MIGA1: variants seen among roughly 807,000 people sequenced by gnomAD.
The protein encoded by MIGA1 is family with sequence similarity 73, member A.
A neutral mutation model predicts 82.0 loss-of-function variants in MIGA1; 58 were observed. That is an observed-to-expected ratio of 0.71 (90% CI 0.57 to 0.88). The LOEUF is 0.88. Among genes scored for constraint, MIGA1 ranks in the 40% least tolerant of loss-of-function variants. The pLI is 0.00. For missense variants in MIGA1, 751 were observed against 749.1 expected (o/e 1.00, Z -0.03); for synonymous variants, 249 against 253.6 (o/e 0.98, Z 0.17).
At chr1:77,852,455 A>T (rs1570997871) in intron 8 of MIGA1, among the ~76,000 whole-genome samples, 2 of 152,092 alleles carry the variant, frequency 1.3e-5, no homozygotes, top group African/African-American at 4.8e-5. Context: ...TCATCTCTTC[A>T]TACCTTTTTT....
At position 77,835,783 on chromosome 1, in the gene MIGA1, A is replaced by G. The variant is rs1381691974; in HGVS notation, c.896-7524A>G. Among the ~76,000 whole-genome samples the G allele has an allele frequency of 3.3e-5, 5 of 152,152 alleles. No individual in the cohort carries two copies. The South Asian group carries it at 1.0e-3, about 32-fold the overall frequency. ...GTCAACATGGTGAAACCCCATCTCT[A>G]CTGAAAATACAGAAATTAGCCAGGC... On this transcript the variant is annotated intron_variant, in intron 7 of 15. Transcript: ENST00000370791.
chr1:77,855,949 G>A (rs1286942203), intron 8 of MIGA1, among the ~76,000 whole-genome samples: 1 of 152,092 alleles, frequency 6.6e-6, no homozygotes, highest in Non-Finnish European at 1.5e-5. Flanking sequence ...AGTGGTGAGA[G>A]TGGGCATCCT....
intron 15 of MIGA1, among the ~76,000 whole-genome samples, chr1:77,873,411 G>C (rs1646866193): frequency 1.3e-5 from 2 of 152,174 alleles, no homozygotes; most frequent in Admixed American, 1.3e-4. Context: ...ACATGGTCTT[G>C]CATGGTGTTG....
rs539633229 is a variant in MIGA1, at chr1:77,825,152, G to A, written c.895+9921G>A. Among the ~76,000 whole-genome samples, 6 of 151,842 alleles carry A rather than the reference G, an allele frequency of 4.0e-5. No homozygotes were observed. The South Asian group carries it at 6.2e-4, about 16-fold the overall frequency. On this transcript the variant is annotated intron_variant, in intron 7 of 15. Coordinates refer to ENST00000370791, the MANE Select transcript of MIGA1 (RefSeq NM_198549.4). ...TGCAGGTGCGCTGGGGACTACAGTCGTGCCCCACCACACCTGGCTAATTTC... is the reference window on the plus strand; with the variant it reads ...TGCAGGTGCGCTGGGGACTACAGTCATGCCCCACCACACCTGGCTAATTTC...
intron 4 of MIGA1, among the ~76,000 whole-genome samples, chr1:77,805,461 CTTTTTTT>C (rs11408292): frequency 2.7e-5 from 3 of 110,370 alleles, no homozygotes; most frequent in South Asian, 3.1e-4. Flanking sequence ...TATGCCTATT[CTTTTTTT>C]TTTTTTTTTT....
chr1:77,800,407 G>A (rs1168098510), intron 2 of MIGA1, among the ~76,000 whole-genome samples: 3 of 152,128 alleles, frequency 2.0e-5, no homozygotes, highest in East Asian at 3.8e-4. Flanking sequence ...TGCCTGTCTC[G>A]TTAGTTTAGG....
At chr1:77,854,354 A>G (rs1481384869) in intron 8 of MIGA1, among the ~76,000 whole-genome samples, 1 of 152,230 alleles carries the variant, frequency 6.6e-6, no homozygotes, top group African/African-American at 2.4e-5. Context: ...CTGTGTTGCT[A>G]TAAACATGCA....
chr1:77,801,874 A>G (rs1172753754), intron 3 of MIGA1, among the ~76,000 whole-genome samples: 1 of 152,176 alleles, frequency 6.6e-6, no homozygotes, highest in African/African-American at 2.4e-5. Context: ...ACAGTGTGGA[A>G]GAATGTCTTT....
chr1:77,815,330 T>G, intron 7 of MIGA1, 99 bp downstream of exon 7: 2 of 962,424 alleles, frequency 2.1e-6, no homozygotes, highest in Non-Finnish European at 2.8e-6. Context: ...AATAATAGGT[T>G]ACTTAAAAAA....
chr1:77,865,823 A>G (rs1274650679), intron 13 of MIGA1, among the ~76,000 whole-genome samples: 4 of 151,574 alleles, frequency 2.6e-5, no homozygotes, highest in African/African-American at 2.4e-5. Context: ...GCAACATACA[A>G]CTTTGCTCAT....
chr1:77,837,847 T>G (rs1024760053), intron 7 of MIGA1, among the ~76,000 whole-genome samples: 2 of 152,214 alleles, frequency 1.3e-5, no homozygotes, highest in African/African-American at 4.8e-5. Flanking sequence ...CTACTATTGT[T>G]GGTATTCACT....
chr1:77,788,017 C>T (rs992897270), intron 2 of MIGA1, among the ~76,000 whole-genome samples: 4 of 151,106 alleles, frequency 2.6e-5, no homozygotes, highest in East Asian at 1.9e-4. Flanking sequence ...GACAGAGTCT[C>T]GCTTCTTCAC....
chr1:77,825,185 T>G (rs1683983852), intron 7 of MIGA1, among the ~76,000 whole-genome samples: 1 of 151,874 alleles, frequency 6.6e-6, no homozygotes, highest in South Asian at 2.1e-4. Flanking sequence ...TTCTGTATTT[T>G]TAGTTGAGGC....
intron 1 of MIGA1, chr1:77,780,212 C>G: frequency 4.1e-6 from 4 of 985,826 alleles, no homozygotes; most frequent in Non-Finnish European, 3.6e-6. Flanking sequence ...CTGGTGAGGT[C>G]TCAGGTTCGG....
intron 4 of MIGA1, among the ~76,000 whole-genome samples, chr1:77,805,905 C>T (rs977290686): frequency 5.3e-5 from 8 of 152,138 alleles, no homozygotes; most frequent in Non-Finnish European, 1.0e-4. Context: ...AGTTGAAGCC[C>T]TTGTTGACTA....
chr1:77,841,924 G>A (rs1684644632), intron 7 of MIGA1, among the ~76,000 whole-genome samples: 1 of 149,252 alleles, frequency 6.7e-6, no homozygotes, highest in African/African-American at 2.5e-5. Context: ...TCAGCCTCCT[G>A]AGCATGTGCC....
intron 7 of MIGA1, among the ~76,000 whole-genome samples, chr1:77,839,694 A>G (rs180767983): frequency 2.0e-5 from 3 of 151,912 alleles, no homozygotes; most frequent in Admixed American, 1.3e-4. Flanking sequence ...TCCGTTTTCC[A>G]TGCTGTCACT....
intron 1 of MIGA1, among the ~76,000 whole-genome samples, chr1:77,782,371 A>C (rs1365022649): frequency 6.6e-6 from 1 of 152,138 alleles, no homozygotes; most frequent in African/African-American, 2.4e-5. Flanking sequence ...TTTTTGACTT[A>C]TTAGTTCAGC....
Position 77,803,395 on chromosome 1 carries a change from A to G in MIGA1, c.499A>G (p.Ser167Gly). 1 of 1,519,360 alleles carries G rather than the reference A, an allele frequency of 6.6e-7. No homozygotes were observed. Among genetic ancestry groups the G allele is most frequent in the Non-Finnish European group, 8.8e-7 (1 of 1,135,698 alleles). The allele number at this position is 1,519,360 out of a possible 1,614,324, so 94.1% of individuals were successfully genotyped here. A position where few individuals can be genotyped will look rare whatever the true frequency, so the allele number is the denominator to read the frequency against. ...CAGTAAATATTCAGGTTCTGCACAG[A>G]GTTTGGCCTCTGTAAGTACAGAAAA... Residue 167 changes from serine to glycine, a missense_variant, in exon 4 of 16, where the codon AGT (serine) becomes GGT (glycine). By Grantham distance (56) the Ser-to-Gly change is moderately conservative (BLOSUM62 0). Around this residue, in one of 3 missense-constraint regions of MIGA1, gnomAD observed 482 missense variants for 439.4 expected, o/e 1.10. Transcript: ENST00000370791.
Sources: gnomAD v4.1 joint callset for allele counts (sites outside exome capture counted in the v4.1 genomes callset) on GRCh38, gnomAD v4.1.1 for gene constraint, gnomAD v4.1.1 regional missense constraint, MANE v1.5 for transcripts, NCBI Gene and HGNC (gene_info 2026-07-23, HGNC 2026-07-21) for gene names.